CHSY3: variants seen among roughly 807,000 people sequenced by gnomAD.
CHSY3 encodes chondroitin sulfate synthase 3.
Under a neutral mutation model 67.2 loss-of-function variants are expected in CHSY3, and 35 were observed. That is an observed-to-expected ratio of 0.52 (90% CI 0.40 to 0.69). The LOEUF is 0.69. Among genes scored for constraint, CHSY3 ranks in the 30% least tolerant of loss-of-function variants. The probability of loss-of-function intolerance (pLI) is 0.00; values close to 1 mark genes in which losing one functional copy is unlikely to be tolerated. For missense variants in CHSY3, 1,069 were observed against 1,138.5 expected (o/e 0.94, Z 0.88); for synonymous variants, 474 against 434.7 (o/e 1.09, Z -1.12).
At chr5:130,082,666 G>T (rs10491274) in intron 2 of CHSY3, among the ~76,000 whole-genome samples, 1 of 151,814 alleles carries the variant, frequency 6.6e-6, no homozygotes, top group African/African-American at 2.4e-5. Context: ...ATTCCCAAAG[G>T]TTATGTATGG....
intron 2 of CHSY3, among the ~76,000 whole-genome samples, chr5:129,983,576 A>G (rs1763084218): frequency 6.6e-6 from 1 of 152,020 alleles, no homozygotes; most frequent in African/African-American, 2.4e-5. Context: ...CTTCTCTGAT[A>G]TGGGCCATGA....
At chr5:130,105,706 C>A (rs1377520658) in intron 2 of CHSY3, among the ~76,000 whole-genome samples, 2 of 151,646 alleles carry the variant, frequency 1.3e-5, no homozygotes, top group African/African-American at 4.8e-5. Flanking sequence ...AGTAGCCCAT[C>A]CTCAATCATT....
At chr5:130,031,638 A>T (rs1391138920) in intron 2 of CHSY3, among the ~76,000 whole-genome samples, 1 of 152,160 alleles carries the variant, frequency 6.6e-6, no homozygotes, top group East Asian at 1.9e-4. Context: ...ATCTTGCATA[A>T]ACTGTGAATA....
Position 129,905,483 on chromosome 5 carries a change from G to C in CHSY3, c.654G>C (p.Pro218=), listed in dbSNP as rs1157277174. 6 of 1,612,680 alleles carry C rather than the reference G, an allele frequency of 3.7e-6. No individual in the cohort carries two copies. Among genetic ancestry groups the C allele is most frequent in the Non-Finnish European group, 5.1e-6 (6 of 1,179,992 alleles). The change falls in exon 1 of 3, where the codon CCG becomes CCC. Residue 218 remains proline, a synonymous_variant. Transcript: ENST00000305031. ...SQQPPNAGQP[P]PPLPVIALPG... The stretch of plus-strand genomic sequence containing the variant: ...AGCCCCCCAACGCCGGCCAGCCCCC[G>C]CCACCCCTGCCTGTCATCGCGCTAC...
rs757142699 is a variant in CHSY3 at position 130,185,186 on chromosome 5, C to A, written c.2044C>A (p.Pro682Thr). The part of the protein sequence containing the change: ...ELIKGYQNKY[P>T]KAEMTLIPMK... Reference sequence around the variant, plus strand: ...GATAAAAGGGTACCAGAACAAGTACCCCAAAGCAGAAATGACCCTGATCCC... The same window carrying A: ...GATAAAAGGGTACCAGAACAAGTACACCAAAGCAGAAATGACCCTGATCCC... The change falls in exon 3 of 3, where the codon CCC becomes ACC. Residue 682 changes from proline (P) to threonine (T), a missense_variant. Physicochemically the swap from Pro to Thr is conservative, Grantham distance 38 (BLOSUM62 -1). Transcript: ENST00000305031. 6 of 1,611,476 alleles carry A rather than the reference C, an allele frequency of 3.7e-6. No individual in the cohort carries two copies. Among genetic ancestry groups the A allele is most frequent in the Non-Finnish European group, 3.4e-6 (4 of 1,177,706 alleles).
chr5:130,127,221 G>A (rs1362944923), intron 2 of CHSY3, among the ~76,000 whole-genome samples: 1 of 151,998 alleles, frequency 6.6e-6, no homozygotes. Flanking sequence ...CATAGACTTA[G>A]CCTTTCTTTC....
chr5:130,139,265 T>C (rs1768777395), intron 2 of CHSY3, among the ~76,000 whole-genome samples: 1 of 152,148 alleles, frequency 6.6e-6, no homozygotes. Context: ...AGGGTAGAAA[T>C]TGATTGGCCC....
intron 2 of CHSY3, among the ~76,000 whole-genome samples, chr5:130,091,132 A>G (rs532131353): frequency 2.6e-5 from 3 of 116,610 alleles, no homozygotes; most frequent in Non-Finnish European, 1.8e-5. Flanking sequence ...ACACACACAC[A>G]CACGCACACG....
intron 2 of CHSY3, among the ~76,000 whole-genome samples, chr5:130,077,228 C>T (rs969450027): frequency 5.2e-4 from 79 of 152,158 alleles, no homozygotes; most frequent in African/African-American, 1.9e-3. Flanking sequence ...ATGAGGCCTG[C>T]TTCACAATAT....
At chr5:129,977,552 C>G (rs1041295963) in intron 2 of CHSY3, among the ~76,000 whole-genome samples, 3 of 152,032 alleles carry the variant, frequency 2.0e-5, no homozygotes, top group African/African-American at 4.8e-5. Context: ...AAGATAATAA[C>G]TAAAATATGC....
intron 1 of CHSY3, among the ~76,000 whole-genome samples, chr5:129,907,609 G>T (rs1760360275): frequency 6.6e-6 from 1 of 152,084 alleles, no homozygotes; most frequent in African/African-American, 2.4e-5. Context: ...AAAACTGTGC[G>T]GGTTGTATAT....
chr5:130,116,317 A>G (rs552857897), intron 2 of CHSY3, among the ~76,000 whole-genome samples: 3 of 152,360 alleles, frequency 2.0e-5, no homozygotes, highest in Admixed American at 6.5e-5. Context: ...CTTTGACACA[A>G]TTAAGCTATA....
intron 2 of CHSY3, among the ~76,000 whole-genome samples, chr5:129,920,141 C>T (rs533560654): frequency 2.6e-5 from 4 of 152,336 alleles, no homozygotes; most frequent in South Asian, 4.1e-4. Context: ...CACCATTCTA[C>T]TCTCCATCTA....
At chr5:130,099,616 A>C (rs541353144) in intron 2 of CHSY3, among the ~76,000 whole-genome samples, 1 of 152,206 alleles carries the variant, frequency 6.6e-6, no homozygotes, top group African/African-American at 2.4e-5. Context: ...CATAAAAATG[A>C]TATTCAGAAT....
intron 1 of CHSY3, among the ~76,000 whole-genome samples, chr5:129,906,406 A>G (rs2149573367): frequency 6.6e-6 from 1 of 152,342 alleles, no homozygotes; most frequent in African/African-American, 2.4e-5. Context: ...GACCCCTGGG[A>G]ACAGCAGACT....
chr5:130,128,253 T>TGC (rs1554084711), intron 2 of CHSY3, among the ~76,000 whole-genome samples: 2 of 151,030 alleles, frequency 1.3e-5, no homozygotes, highest in East Asian at 2.0e-4. Flanking sequence ...TGTGTGTGTG[T>TGC]GCGCTCACAT....
chr5:129,924,423 G>A (rs931606469), intron 2 of CHSY3, among the ~76,000 whole-genome samples: 1 of 151,862 alleles, frequency 6.6e-6, no homozygotes, highest in Non-Finnish European at 1.5e-5. Flanking sequence ...CGAGGCAGGC[G>A]GATCACGAGA....
chr5:130,090,585 A>G (rs1425110410), intron 2 of CHSY3, among the ~76,000 whole-genome samples: 1 of 152,090 alleles, frequency 6.6e-6, no homozygotes, highest in Non-Finnish European at 1.5e-5. Flanking sequence ...TAATTTAAAC[A>G]TTTTTACCTG....
intron 2 of CHSY3, among the ~76,000 whole-genome samples, chr5:130,012,379 G>T (rs1764092425): frequency 3.3e-5 from 5 of 152,212 alleles, no homozygotes; most frequent in Non-Finnish European, 1.5e-5. Flanking sequence ...ATACTGGGTA[G>T]CTGGTTAGCC....
Sources: allele counts gnomAD v4.1 joint callset (sites outside exome capture counted in the v4.1 genomes callset), GRCh38; gene constraint gnomAD v4.1.1; transcripts MANE v1.5; gene names NCBI Gene and HGNC (gene_info 2026-07-23, HGNC 2026-07-21).